The following SPATS1 variants were observed in gnomAD, a reference collection of about 807,000 sequenced individuals.
The protein encoded by SPATS1 is spermatogenesis-associated serine-rich protein 1.
A neutral mutation model predicts 33.6 loss-of-function variants in SPATS1; 23 were observed. That is an observed-to-expected ratio of 0.68 (90% CI 0.49 to 0.97). SPATS1 has a LOEUF of 0.97. Ranked by LOEUF, SPATS1 falls within the 50% of genes least tolerant of loss-of-function variation. The probability of loss-of-function intolerance (pLI) is 0.00; values close to 1 mark genes in which losing one functional copy is unlikely to be tolerated. For synonymous variants in SPATS1, 131 were observed against 125.6 expected, an observed-to-expected ratio of 1.04 and a Z score of -0.29; for missense variants, 327 against 361.0, an observed-to-expected ratio of 0.91 and a Z score of 0.76.
chr6:44,366,579 T>A (rs917245696), intron 5 of SPATS1, among the ~76,000 whole-genome samples: 1 of 152,224 alleles, frequency 6.6e-6, no homozygotes, highest in Non-Finnish European at 1.5e-5. Context: ...CCTAGGTGAT[T>A]TTCAGGTGTG....
intron 1 of SPATS1, 160 bp from the exon 2 acceptor site, chr6:44,342,936 C>G (rs756596243): frequency 4.8e-6 from 6 of 1,238,286 alleles, no homozygotes; most frequent in Non-Finnish European, 6.6e-6. Context: ...AACCACGAAA[C>G]GCCCAGGTGG....
In SPATS1 at chr6:44,361,886, C is replaced by T; in HGVS notation, c.468C>T (p.His156=). ...ACCCAAGGTTTAGCAGCAACATCCA[C>T]ACCTACCACGTCGGAAAGCAGTGCT... ...TFYPRFSSNI[H]TYHVGKQCFF... Residue 156 remains histidine (H), a synonymous_variant, in exon 5 of 9, where the codon CAC becomes CAT. Coordinates refer to ENST00000674044, the MANE Select transcript of SPATS1 (RefSeq NM_001372081.1). 1 of 1,614,262 alleles carries T rather than the reference C, an allele frequency of 6.2e-7. No homozygotes were observed. The highest frequency in any genetic ancestry group is 8.5e-7 in the Non-Finnish European group (1 of 1,180,052).
chr6:44,349,747 A>T (rs571266829), intron 2 of SPATS1, among the ~76,000 whole-genome samples: 59 of 152,334 alleles, frequency 3.9e-4, no homozygotes, highest in Middle Eastern at 3.4e-3. Context: ...GATATATAGT[A>T]CTCAATGTTC....
intron 4 of SPATS1, 120 bp downstream of exon 4, chr6:44,360,690 C>G: frequency 1.7e-6 from 2 of 1,200,074 alleles, no homozygotes; most frequent in Non-Finnish European, 2.3e-6. Context: ...TACTTTATCT[C>G]AAAATTCACA....
At chr6:44,360,927 C>A (rs775867330) in intron 4 of SPATS1, among the ~76,000 whole-genome samples, 1 of 151,922 alleles carries the variant, frequency 6.6e-6, no homozygotes, top group Admixed American at 6.6e-5. Context: ...TATACATACA[C>A]GTGTACATAT....
In SPATS1 at chr6:44,379,731, G is replaced by A. The variant is rs1790119264; in HGVS notation, c.*2668G>A. ...ATATAATTCCTAGGTGCTGCTCTAAGTAGATATGATTTGATTCCTTTTTCT... is the reference window on the plus strand; with the variant it reads ...ATATAATTCCTAGGTGCTGCTCTAAATAGATATGATTTGATTCCTTTTTCT... On this transcript the variant is annotated 3_prime_UTR_variant, in exon 9 of 9. Coordinates refer to ENST00000674044, the MANE Select transcript of SPATS1 (RefSeq NM_001372081.1). Among the ~76,000 whole-genome samples the A allele has an allele frequency of 6.6e-6, 1 of 150,388 alleles. No homozygotes were observed. Among genetic ancestry groups the A allele is most frequent in the Non-Finnish European group, 1.5e-5 (1 of 67,774 alleles).
At chr6:44,345,620 A>T (rs1787829751) in intron 2 of SPATS1, among the ~76,000 whole-genome samples, 2 of 152,320 alleles carry the variant, frequency 1.3e-5, no homozygotes, top group South Asian at 4.1e-4. Context: ...AGCCACTGTT[A>T]AAACCTATGG....
intron 5 of SPATS1, among the ~76,000 whole-genome samples, chr6:44,364,779 TTTTC>T (rs201288614): frequency 0.033 from 4,933 of 149,924 alleles, 253 homozygotes; most frequent in African/African-American, 0.11. Flanking sequence ...CTTTTTCTTC[TTTTC>T]TTTTCTCTTT....
At chr6:44,361,791 T>TG in intron 4 of SPATS1, 40 bp from the exon 5 acceptor site, 1 of 1,613,542 alleles carries the variant, frequency 6.2e-7, no homozygotes, top group African/African-American at 1.3e-5. Flanking sequence ...ATTATGAGGC[T>TG]GGGAACAGTG....
At chr6:44,354,631 A>T (rs1184054738) in intron 3 of SPATS1, among the ~76,000 whole-genome samples, 1 of 152,154 alleles carries the variant, frequency 6.6e-6, no homozygotes, top group Non-Finnish European at 1.5e-5. Flanking sequence ...CAACACATGT[A>T]CAGCCTCCCC....
intron 2 of SPATS1, among the ~76,000 whole-genome samples, chr6:44,347,596 G>A (rs1787974848): frequency 2.0e-5 from 3 of 151,612 alleles, no homozygotes; most frequent in Admixed American, 2.0e-4. Context: ...TACTTTTTTC[G>A]GGTACATCTT....
intron 2 of SPATS1, among the ~76,000 whole-genome samples, chr6:44,348,111 C>T (rs953931866): frequency 9.2e-5 from 14 of 151,860 alleles, no homozygotes; most frequent in East Asian, 5.8e-4. Context: ...TGGGATCAAG[C>T]GATTCTCCTG....
intron 4 of SPATS1, 56 bp from the exon 5 acceptor site, chr6:44,361,775 A>G (rs1049450774): frequency 6.2e-7 from 1 of 1,607,734 alleles, no homozygotes. Flanking sequence ...TTTGTCATCC[A>G]GTTGCATTAT....
intron 5 of SPATS1, among the ~76,000 whole-genome samples, chr6:44,365,615 C>T (rs906665173): frequency 1.3e-5 from 2 of 152,192 alleles, no homozygotes; most frequent in Non-Finnish European, 1.5e-5. Context: ...TTCACATCAG[C>T]TCCTTAAATG....
At chr6:44,369,006 C>A (rs1463299305) in intron 6 of SPATS1, among the ~76,000 whole-genome samples, 1 of 151,440 alleles carries the variant, frequency 6.6e-6, no homozygotes, top group African/African-American at 2.4e-5. Flanking sequence ...ATGCCATTCT[C>A]CTGCCTCAGC....
chr6:44,374,894 G>A (rs1789835937), intron 7 of SPATS1, among the ~76,000 whole-genome samples: 1 of 152,176 alleles, frequency 6.6e-6, no homozygotes, highest in Non-Finnish European at 1.5e-5. Context: ...AATTACCTAT[G>A]TGGTAACCGT....
intron 2 of SPATS1, among the ~76,000 whole-genome samples, chr6:44,348,399 T>C (rs1378052399): frequency 6.6e-6 from 1 of 152,210 alleles, no homozygotes; most frequent in African/African-American, 2.4e-5. Context: ...TTTCATTCAT[T>C]TCTGCTTTTA....
At chr6:44,343,718 G>A (rs1404906863) in intron 2 of SPATS1, among the ~76,000 whole-genome samples, 1 of 152,186 alleles carries the variant, frequency 6.6e-6, no homozygotes, top group Non-Finnish European at 1.5e-5. Flanking sequence ...ATGGCTGGTA[G>A]CTCCATAATT....
intron 1 of SPATS1, 119 bp from the exon 2 acceptor site, chr6:44,342,977 C>T: frequency 7.4e-7 from 1 of 1,354,020 alleles, no homozygotes; most frequent in Non-Finnish European, 1.0e-6. Context: ...AGAGGCCAGT[C>T]CTGCCCTCCT....
Sources: gnomAD v4.1 joint callset for allele counts (sites outside exome capture counted in the v4.1 genomes callset) on GRCh38, gnomAD v4.1.1 for gene constraint, MANE v1.5 for transcripts, NCBI Gene and HGNC (gene_info 2026-07-23, HGNC 2026-07-21) for gene names.